Variants in STPG2 observed in about 807,000 individuals in gnomAD.
STPG2 encodes the protein sperm tail PG-rich repeat containing 2, also known as sperm-tail PG-rich repeat-containing protein 2.
STPG2 carries 56 observed loss-of-function variants against 54.2 expected under a neutral mutation model. That is an observed-to-expected ratio of 1.03 (90% CI 0.83 to 1.29). The LOEUF (loss-of-function observed/expected upper bound fraction) is 1.29, where lower values mean the gene tolerates loss of function less well. Ranked by LOEUF, STPG2 falls within the 50% of genes most tolerant of loss-of-function variation. The pLI, the probability that STPG2 is intolerant of heterozygous loss-of-function variation, is 0.00. For missense variants in STPG2, 596 were observed against 544.9 expected, an observed-to-expected ratio of 1.09 and a Z score of -0.93; for synonymous variants, 200 against 181.8, an observed-to-expected ratio of 1.10 and a Z score of -0.81.
intron 10 of STPG2, among the ~76,000 whole-genome samples, chr4:97,606,490 G>A (rs1238360353): frequency 6.6e-6 from 1 of 151,818 alleles, no homozygotes; most frequent in East Asian, 1.9e-4. Context: ...TATAGAGAGA[G>A]AGATAGATCA....
rs529549757 is a variant in STPG2 at position 97,784,067 on chromosome 4, T to C, written c.1204+56706A>G. Among the ~76,000 whole-genome samples the C allele has an allele frequency of 4.6e-3, 621 of 135,608 alleles. 2 individuals are homozygous for C. The highest frequency in any genetic ancestry group is 0.025 in the South Asian group (108 of 4,362). 89.0% of individuals were successfully genotyped at this position (135,608 alleles called of 152,430 possible). A position where few individuals can be genotyped will look rare whatever the true frequency, so the allele number is the denominator to read the frequency against. ...ATGTACCCTAGAACTTAAAGTATAA[T>C]TAAAAAAAAAAAAAGAAAAAGAAAA... On this transcript the variant is annotated intron_variant, in intron 9 of 10. Coordinates refer to ENST00000295268, the MANE Select transcript of STPG2 (RefSeq NM_174952.3).
chr4:97,949,773 C>A (rs1733395893), intron 7 of STPG2, among the ~76,000 whole-genome samples: 1 of 152,140 alleles, frequency 6.6e-6, no homozygotes, highest in African/African-American at 2.4e-5. Flanking sequence ...AAAGGTTTTC[C>A]CTTACAGGTT....
intron 7 of STPG2, 105 bp from the exon 8 acceptor site, chr4:97,944,112 T>A (rs1733108153): frequency 1.4e-6 from 1 of 723,154 alleles, no homozygotes; most frequent in African/African-American, 1.9e-5. Context: ...TTATCTGGCA[T>A]TAAATAAAGA....
intron 8 of STPG2, among the ~76,000 whole-genome samples, chr4:97,905,153 G>A (rs1731354531): frequency 6.6e-6 from 1 of 151,146 alleles, no homozygotes; most frequent in Non-Finnish European, 1.5e-5. Flanking sequence ...ACACATGATT[G>A]TCAGATTCAC....
At chr4:97,733,779 C>T (rs1471646292) in intron 9 of STPG2, among the ~76,000 whole-genome samples, 1 of 152,076 alleles carries the variant, frequency 6.6e-6, no homozygotes, top group Non-Finnish European at 1.5e-5. Flanking sequence ...CCCTCCTCTA[C>T]CTCAGGGTCA....
At chr4:97,711,305 C>G (rs924451261) in intron 10 of STPG2, among the ~76,000 whole-genome samples, 1 of 152,142 alleles carries the variant, frequency 6.6e-6, no homozygotes, top group African/African-American at 2.4e-5. Context: ...TAAAGACCTT[C>G]CCTCACTATG....
At chr4:97,834,309 G>A (rs1404437005) in intron 9 of STPG2, among the ~76,000 whole-genome samples, 2 of 152,106 alleles carry the variant, frequency 1.3e-5, no homozygotes, top group African/African-American at 4.8e-5. Context: ...GGTGAACAAT[G>A]AGAACACATG....
intron 9 of STPG2, among the ~76,000 whole-genome samples, chr4:97,800,681 C>A (rs995001887): frequency 2.6e-5 from 4 of 152,194 alleles, no homozygotes; most frequent in African/African-American, 9.6e-5. Context: ...AAACTCCATG[C>A]TGGGAGAACC....
chr4:98,076,109 T>C (rs370409853), intron 5 of STPG2, among the ~76,000 whole-genome samples: 1 of 151,988 alleles, frequency 6.6e-6, no homozygotes, highest in East Asian at 1.9e-4. Context: ...CCAGGCGTGG[T>C]GGCGGGCGCC....
At chr4:97,841,271 T>G (rs1211056283) in intron 8 of STPG2, among the ~76,000 whole-genome samples, 1 of 151,736 alleles carries the variant, frequency 6.6e-6, no homozygotes, top group Non-Finnish European at 1.5e-5. Context: ...CCTGTTTTCC[T>G]AAGCAGCAGA....
rs187530864 is a variant in STPG2 at position 97,711,828 on chromosome 4, C to T, written c.1320+871G>A. On this transcript the variant is annotated intron_variant, in intron 10 of 10. Transcript: ENST00000295268. The stretch of plus-strand genomic sequence containing the variant: ...GGGACTACAGGTGCATGACACCATG[C>T]CTGGATTATTTTTATATTTTTAGTA... Among the ~76,000 whole-genome samples the T allele has an allele frequency of 2.6e-4, 40 of 151,752 alleles. 1 individual carries two copies. Among genetic ancestry groups the T allele is most frequent in the Non-Finnish European group, 2.4e-4 (16 of 67,880 alleles).
intron 5 of STPG2, among the ~76,000 whole-genome samples, chr4:98,013,379 G>T (rs895341296): frequency 6.6e-6 from 1 of 152,138 alleles, no homozygotes; most frequent in Non-Finnish European, 1.5e-5. Context: ...TCGCATGAAT[G>T]TTCTTCAAGG....
intron 4 of STPG2, among the ~76,000 whole-genome samples, chr4:97,540,798 T>C (rs113031095): frequency 0.015 from 2,299 of 152,178 alleles, 57 homozygotes; most frequent in African/African-American, 0.053. Flanking sequence ...ATTCCTGGGA[T>C]GGAAGGCTGG....
At chr4:97,960,767 T>C (rs960569130) in intron 7 of STPG2, among the ~76,000 whole-genome samples, 4 of 152,058 alleles carry the variant, frequency 2.6e-5, no homozygotes, top group Admixed American at 1.3e-4. Flanking sequence ...AAAATGACCA[T>C]ATTGCCAAAA....
chr4:97,739,065 A>T (rs1578521946), intron 9 of STPG2, among the ~76,000 whole-genome samples: 1 of 152,192 alleles, frequency 6.6e-6, no homozygotes, highest in East Asian at 1.9e-4. Context: ...AAACTCACTC[A>T]AAACCGCTCA....
chr4:97,804,283 A>T (rs1304168621), intron 9 of STPG2, among the ~76,000 whole-genome samples: 5 of 152,120 alleles, frequency 3.3e-5, no homozygotes, highest in Admixed American at 3.3e-4. Context: ...GTCTTGGTCA[A>T]TGATGAACCA....
At chr4:97,679,578 C>T (rs1351242863) in intron 10 of STPG2, among the ~76,000 whole-genome samples, 1 of 151,796 alleles carries the variant, frequency 6.6e-6, no homozygotes, top group Non-Finnish European at 1.5e-5. Flanking sequence ...TTGTAGGTTG[C>T]CTGTTCACTC....
At chr4:98,065,255 T>C (rs1190454905) in intron 5 of STPG2, among the ~76,000 whole-genome samples, 1 of 152,068 alleles carries the variant, frequency 6.6e-6, no homozygotes, top group Non-Finnish European at 1.5e-5. Context: ...AACATAATAC[T>C]GACAAGGGTG....
intron 5 of STPG2, among the ~76,000 whole-genome samples, chr4:98,038,779 A>G: frequency 6.6e-6 from 1 of 152,212 alleles, no homozygotes; most frequent in East Asian, 1.9e-4. Context: ...AAAATATTAA[A>G]CACATCTAAA....
Sources: allele counts gnomAD v4.1 joint callset (sites outside exome capture counted in the v4.1 genomes callset), GRCh38; gene constraint gnomAD v4.1.1; transcripts MANE v1.5; gene names NCBI Gene and HGNC (gene_info 2026-07-23, HGNC 2026-07-21).